ADARB2: variants seen among roughly 807,000 people sequenced by gnomAD.
ADARB2 encodes the protein adenosine deaminase RNA specific B2 (inactive), also known as inactive double-stranded RNA-specific editase B2.
ADARB2 carries 25 observed loss-of-function variants against 62.2 expected under a neutral mutation model. That is an observed-to-expected ratio of 0.40 (90% confidence interval 0.29 to 0.56). The LOEUF (loss-of-function observed/expected upper bound fraction) is 0.56, where lower values mean the gene tolerates loss of function less well. Ranked by LOEUF, ADARB2 falls within the 20% of genes least tolerant of loss-of-function variation. The probability of loss-of-function intolerance (pLI) is 0.43; values close to 1 mark genes in which losing one functional copy is unlikely to be tolerated. For missense variants in ADARB2, 1,071 were observed against 1,077.4 expected, an observed-to-expected ratio of 0.99 and a Z score of 0.08; for synonymous variants, 572 against 500.8, an observed-to-expected ratio of 1.14 and a Z score of -1.90.
intron 8 of ADARB2, among the ~76,000 whole-genome samples, chr10:1,196,253 G>A (rs1019708014): frequency 8.1e-5 from 10 of 124,024 alleles, no homozygotes; most frequent in African/African-American, 2.9e-4. Flanking sequence ...TTGTTTGTCC[G>A]TCTCCCCTAC....
intron 1 of ADARB2, among the ~76,000 whole-genome samples, chr10:1,496,448 A>G (rs959463718): frequency 6.6e-6 from 1 of 152,048 alleles, no homozygotes; most frequent in African/African-American, 2.4e-5. Flanking sequence ...CATTATCATT[A>G]GTATCAACAT....
At chr10:1,257,651 G>C (rs1435717134) in intron 4 of ADARB2, among the ~76,000 whole-genome samples, 2 of 152,190 alleles carry the variant, frequency 1.3e-5, no homozygotes, top group Non-Finnish European at 2.9e-5. Context: ...AGGGTGTGTG[G>C]GAAAGAGAGG....
chr10:1,374,563 A>G lies in ADARB2; in HGVS notation c.187+4511T>C, dbSNP rs117741282. 1.1e-3 allele frequency among the ~76,000 whole-genome samples: 164 copies of G among 152,314 alleles called. 1 individual carries two copies. In the East Asian group the frequency reaches 0.031, roughly 28 times the overall value. ...CGGATGGCCTAGGCTGCTGTCTTTC[A>G]AAGGTGGAGAGCATGTGCGGGTGGG... On this transcript the variant is annotated intron_variant, in intron 2 of 9. Coordinates refer to ENST00000381312, the MANE Select transcript of ADARB2 (RefSeq NM_018702.4).
chr10:1,436,705 T>A (rs17156347), intron 1 of ADARB2, among the ~76,000 whole-genome samples: 13,312 of 152,254 alleles, frequency 0.087, 655 homozygotes, highest in South Asian at 0.2. Flanking sequence ...CATTTCAAGT[T>A]TTACATTTTT....
chr10:1,704,235 T>C lies in ADARB2; in HGVS notation c.100+32816A>G, dbSNP rs1438880917. Among the ~76,000 whole-genome samples, 3 of 152,186 alleles carry C rather than the reference T, an allele frequency of 2.0e-5. No homozygotes were observed. Among genetic ancestry groups the C allele is most frequent in the Non-Finnish European group, 4.4e-5 (3 of 68,032 alleles). The stretch of plus-strand genomic sequence containing the variant: ...TTCAGGATGATTCAAGCACATTATA[T>C]TTATTGTGCACTTTATTTCTATTAA... On this transcript the variant is annotated intron_variant, in intron 1 of 9. Transcript: ENST00000381312. This position sits in a 1 kb window ranked among gnomAD's most constrained non-coding sequence, Gnocchi z 5.6.
chr10:1,316,007 A>G (rs186029819), intron 3 of ADARB2, among the ~76,000 whole-genome samples: 67 of 152,364 alleles, frequency 4.4e-4, no homozygotes, highest in African/African-American at 1.5e-3. Flanking sequence ...ATTATAACTC[A>G]ATCATCCTAT....
intron 1 of ADARB2, among the ~76,000 whole-genome samples, chr10:1,526,164 C>A (rs1470806883): frequency 6.6e-6 from 1 of 151,628 alleles, no homozygotes. Context: ...CGCGGCTGCT[C>A]CTGGGATTTG....
chr10:1,529,901 C>T lies in ADARB2; in HGVS notation c.101-150741G>A, dbSNP rs995531964. On this transcript the variant is annotated intron_variant, in intron 1 of 9. Transcript: ENST00000381312. ...ACACGTCCACTGCCCCCTGCCACCA[C>T]GGACACCCATCCACTGAACCCTGCC... Among the ~76,000 whole-genome samples the T allele has an allele frequency of 4.7e-4, 24 of 50,550 alleles. No individual in the cohort carries two copies. The South Asian group carries it at 5.4e-3, about 11-fold the overall frequency. The allele number at this position is 50,550 out of a possible 152,430, so 33.2% of individuals were successfully genotyped here.
chr10:1,476,215 T>G (rs1205753521), intron 1 of ADARB2, among the ~76,000 whole-genome samples: 1 of 150,894 alleles, frequency 6.6e-6, no homozygotes, highest in African/African-American at 2.4e-5. Context: ...AAGGGAGAGA[T>G]GAGGGCTGCA....
chr10:1,242,309 C>T lies in ADARB2; in HGVS notation c.1193-10G>A, dbSNP rs1830933516. 1.9e-6 allele frequency: 3 copies of T among 1,545,674 alleles called. No homozygotes were observed. The highest frequency in any genetic ancestry group is 2.4e-5 in the East Asian group (1 of 41,378). On this transcript the variant is annotated splice_polypyrimidine_tract_variant and intron_variant, in intron 4 of 9. Transcript: ENST00000381312. ...TGCCGAGCATCCAGGCCTGGGGACA[C>T]AGATAGCATCAGAGCAGCGTGGCCC...
In ADARB2 at chr10:1,408,612, A is replaced by G. The variant is rs185187466; in HGVS notation, c.101-29452T>C. ...TCAACCCTTGCCAGCCGTGAGTGCA[A>G]TTTTAAAAGCTTGCTGCCCGTCGGA... On this transcript the variant is annotated intron_variant, in intron 1 of 9. Transcript: ENST00000381312. 2.4e-3 allele frequency among the ~76,000 whole-genome samples: 371 copies of G among 152,140 alleles called. 1 individual carries two copies. Among genetic ancestry groups the G allele is most frequent in the African/African-American group, 7.8e-3 (324 of 41,496 alleles).
At chr10:1,266,110 A>G (rs1831196798) in intron 4 of ADARB2, among the ~76,000 whole-genome samples, 1 of 151,390 alleles carries the variant, frequency 6.6e-6, no homozygotes, top group African/African-American at 2.4e-5. Context: ...CTCCCGGAAG[A>G]CGGCCTGAGC....
At chr10:1,679,833 G>A (rs78663669) in intron 1 of ADARB2, among the ~76,000 whole-genome samples, 2,262 of 152,238 alleles carry the variant, frequency 0.015, 61 homozygotes, top group African/African-American at 0.05. Context: ...CTGCCTGGAC[G>A]ACTGGAAAAG....
chr10:1,353,962 T>C (rs1832169733), intron 3 of ADARB2, among the ~76,000 whole-genome samples: 1 of 152,178 alleles, frequency 6.6e-6, no homozygotes, highest in Non-Finnish European at 1.5e-5. Flanking sequence ...AGGTTGCTCG[T>C]AGACACTCGA....
chr10:1,637,766 A>G (rs993553899), intron 1 of ADARB2, among the ~76,000 whole-genome samples: 5 of 152,200 alleles, frequency 3.3e-5, no homozygotes, highest in African/African-American at 9.7e-5. Context: ...CTCGTCACCA[A>G]GTTAATGTGT....
intron 1 of ADARB2, among the ~76,000 whole-genome samples, chr10:1,585,890 T>C (rs1833170865): frequency 6.6e-6 from 1 of 151,978 alleles, no homozygotes; most frequent in Non-Finnish European, 1.5e-5. Context: ...AAAAACTGGC[T>C]GGGTGGGGTG....
chr10:1,647,253 G>C (rs146727780), intron 1 of ADARB2, among the ~76,000 whole-genome samples: 243 of 152,346 alleles, frequency 1.6e-3, no homozygotes, highest in Middle Eastern at 3.4e-3. Context: ...GACAATTGCA[G>C]GATTGCATGA....
At chr10:1,335,221 G>A (rs1162342616) in intron 3 of ADARB2, among the ~76,000 whole-genome samples, 1 of 150,990 alleles carries the variant, frequency 6.6e-6, no homozygotes, top group Non-Finnish European at 1.5e-5. Context: ...GATGGAGGGA[G>A]GGAATGATGG....
chr10:1,484,442 G>A (rs528103228), intron 1 of ADARB2, among the ~76,000 whole-genome samples: 18 of 152,380 alleles, frequency 1.2e-4, no homozygotes, highest in African/African-American at 3.8e-4. Context: ...CAGAGCTAGA[G>A]CCCTGTCCAC....
Sources: gnomAD v4.1 joint callset for allele counts (sites outside exome capture counted in the v4.1 genomes callset) on GRCh38, gnomAD v4.1.1 for gene constraint, Gnocchi (gnomAD v3.1) non-coding constraint, MANE v1.5 for transcripts, NCBI Gene and HGNC (gene_info 2026-07-23, HGNC 2026-07-21) for gene names.